TMEM163: variants seen among roughly 807,000 people sequenced by gnomAD.
The protein encoded by TMEM163 is transmembrane protein 163.
Under a neutral mutation model 29.3 loss-of-function variants are expected in TMEM163, and 17 were observed. That is an observed-to-expected ratio of 0.58 (90% CI 0.40 to 0.87). The LOEUF (loss-of-function observed/expected upper bound fraction) is 0.87, where lower values mean the gene tolerates loss of function less well. Among genes scored for constraint, TMEM163 ranks in the 40% least tolerant of loss-of-function variants. The pLI is 0.00. For synonymous variants in TMEM163, 157 were observed against 160.6 expected (o/e 0.98, Z 0.17); for missense variants, 303 against 381.5 (o/e 0.79, Z 1.71).
At chr2:134,656,704 C>A (rs1683628164) in intron 2 of TMEM163, among the ~76,000 whole-genome samples, 1 of 152,174 alleles carries the variant, frequency 6.6e-6, no homozygotes, top group South Asian at 2.1e-4. Flanking sequence ...AGCCTTTGCC[C>A]ACTCAGTATG....
At chr2:134,528,182 A>T (rs1341375194) in intron 4 of TMEM163, among the ~76,000 whole-genome samples, 1 of 152,212 alleles carries the variant, frequency 6.6e-6, no homozygotes, top group Non-Finnish European at 1.5e-5. Flanking sequence ...CCTTTTAAAA[A>T]ATCAGGGCAA....
At chr2:134,599,695 T>TTC (rs1303361230) in intron 2 of TMEM163, among the ~76,000 whole-genome samples, 3 of 140,526 alleles carry the variant, frequency 2.1e-5, no homozygotes, top group Non-Finnish European at 4.6e-5. Flanking sequence ...AACTTTATCT[T>TTC]TTTTTTTTTT....
intron 2 of TMEM163, among the ~76,000 whole-genome samples, chr2:134,567,731 A>G (rs958981719): frequency 2.0e-5 from 3 of 152,210 alleles, no homozygotes; most frequent in African/African-American, 7.2e-5. Flanking sequence ...GAGACTTTCC[A>G]AAATTTAAGT....
At chr2:134,580,806 A>G (rs1681674755) in intron 2 of TMEM163, among the ~76,000 whole-genome samples, 1 of 152,048 alleles carries the variant, frequency 6.6e-6, no homozygotes, top group Non-Finnish European at 1.5e-5. Context: ...CCATGTACTC[A>G]GGGGGCTGAG....
At chr2:134,561,245 C>T (rs564579291) in intron 2 of TMEM163, among the ~76,000 whole-genome samples, 2 of 152,334 alleles carry the variant, frequency 1.3e-5, no homozygotes, top group Admixed American at 1.3e-4. Context: ...GCTCTGTCGC[C>T]CAGGCTGGAG....
chr2:134,642,732 T>C (rs1321362701), intron 2 of TMEM163, among the ~76,000 whole-genome samples: 1 of 152,038 alleles, frequency 6.6e-6, no homozygotes, highest in Non-Finnish European at 1.5e-5. Flanking sequence ...TTTAAACATT[T>C]AGAAACCAAA....
intron 2 of TMEM163, among the ~76,000 whole-genome samples, chr2:134,619,706 C>T (rs540609452): frequency 2.6e-5 from 4 of 152,152 alleles, no homozygotes. Flanking sequence ...ACTAGAGGTT[C>T]TAGCCAATGT....
intron 4 of TMEM163, among the ~76,000 whole-genome samples, chr2:134,546,065 A>T (rs568142430): frequency 2.6e-4 from 39 of 152,330 alleles, no homozygotes; most frequent in African/African-American, 9.1e-4. Flanking sequence ...TTCCTACCAC[A>T]GGAAAGTAAC....
At chr2:134,693,438 C>T (rs931397192) in intron 2 of TMEM163, among the ~76,000 whole-genome samples, 27 of 152,058 alleles carry the variant, frequency 1.8e-4, no homozygotes, top group African/African-American at 6.5e-4. Context: ...GAAACCCCAT[C>T]TCTACTAAAA....
chr2:134,718,743 C>G lies in TMEM163; in HGVS notation c.193G>C (p.Glu65Gln). ...SESGQFSDGL[E>Q]DRGLLESSTR... ...GGCAGCTCGCGCTCACCTCGGTCCT[C>G]CAGCCCGTCGCTGAACTGGCCGCTC... The change falls in exon 1 of 8, where the codon GAG becomes CAG. Residue 65 changes from glutamate to glutamine, a missense_variant. Physicochemically the swap from Glu to Gln is conservative, Grantham distance 29. Transcript: ENST00000281924. The G allele has an allele frequency of 8.6e-7, 1 of 1,156,112 alleles. No homozygotes were observed. The allele number at this position is 1,156,112 out of a possible 1,614,324, so 71.6% of individuals were successfully genotyped here. A position where few individuals can be genotyped will look rare whatever the true frequency, so the allele number is the denominator to read the frequency against.
chr2:134,709,230 C>T (rs1573554699), intron 2 of TMEM163, among the ~76,000 whole-genome samples: 1 of 152,062 alleles, frequency 6.6e-6, no homozygotes, highest in Non-Finnish European at 1.5e-5. Flanking sequence ...TGCTGCCTAC[C>T]GATTATAAAC....
rs545346970 is a variant in TMEM163, at chr2:134,564,148, C to T, written c.323-12057G>A. On this transcript the variant is annotated intron_variant, in intron 2 of 7. Transcript: ENST00000281924. ...CCTGGAAGACAGTCACTACCAGATA[C>T]GAAGATTTCAAAGCTACAGTAAATA... 9.9e-5 allele frequency among the ~76,000 whole-genome samples: 15 copies of T among 152,138 alleles called. No individual in the cohort carries two copies. The East Asian group carries it at 1.9e-3, about 20-fold the overall frequency.
At chr2:134,483,746 G>C (rs547794881) in intron 5 of TMEM163, among the ~76,000 whole-genome samples, 12 of 152,080 alleles carry the variant, frequency 7.9e-5, no homozygotes, top group African/African-American at 2.9e-4. Context: ...CACCCAAAAA[G>C]ACATGTACGA....
intron 2 of TMEM163, among the ~76,000 whole-genome samples, chr2:134,625,773 A>G (rs2104828383): frequency 6.6e-6 from 1 of 152,326 alleles, no homozygotes; most frequent in East Asian, 1.9e-4. Flanking sequence ...AGCGTTTACA[A>G]TCTGGCAAAT....
chr2:134,715,147 C>T lies in TMEM163; in HGVS notation c.203-1828G>A, dbSNP rs941705810. 9.2e-5 allele frequency among the ~76,000 whole-genome samples: 14 copies of T among 152,332 alleles called. 1 individual carries two copies. The highest frequency in any genetic ancestry group is 6.5e-4 in the Admixed American group (10 of 15,298). ...ATCCACTGAGGTAAAAACAAGGTTC[C>T]TTTGAGAAGTAGATTTCATTTTCTA... On this transcript the variant is annotated intron_variant, in intron 1 of 7. Coordinates refer to ENST00000281924, the MANE Select transcript of TMEM163 (RefSeq NM_030923.5).
intron 4 of TMEM163, among the ~76,000 whole-genome samples, chr2:134,518,104 A>G (rs1680114297): frequency 6.6e-6 from 1 of 152,242 alleles, no homozygotes. Flanking sequence ...TTAAAAGAAA[A>G]TGTTATTCAT....
At chr2:134,505,741 C>T (rs772367361) in intron 4 of TMEM163, among the ~76,000 whole-genome samples, 1 of 152,196 alleles carries the variant, frequency 6.6e-6, no homozygotes, top group African/African-American at 2.4e-5. Context: ...CAGCTCACTG[C>T]AGCCACGCCT....
At chr2:134,618,885 T>G (rs952509657) in intron 2 of TMEM163, among the ~76,000 whole-genome samples, 3 of 152,074 alleles carry the variant, frequency 2.0e-5, no homozygotes, top group Non-Finnish European at 1.5e-5. Flanking sequence ...ATTCAATGCT[T>G]ACATTAGAAA....
intron 2 of TMEM163, among the ~76,000 whole-genome samples, chr2:134,657,370 A>G (rs1683644916): frequency 6.6e-6 from 1 of 152,234 alleles, no homozygotes; most frequent in Non-Finnish European, 1.5e-5. Flanking sequence ...AGAAAAGAAG[A>G]AAATCACCTC....
Sources: allele counts gnomAD v4.1 joint callset (sites outside exome capture counted in the v4.1 genomes callset), GRCh38; gene constraint gnomAD v4.1.1; transcripts MANE v1.5; gene names NCBI Gene and HGNC (gene_info 2026-07-23, HGNC 2026-07-21).